DMD: variants seen among roughly 807,000 people sequenced by gnomAD.
DMD encodes dystrophin.
DMD carries 63 observed loss-of-function variants against 330.1 expected under a neutral mutation model. The observed-to-expected ratio is 0.19, with a 90% confidence interval of 0.16 to 0.24. DMD has a LOEUF of 0.24. Ranked by LOEUF, DMD falls within the 10% of genes least tolerant of loss-of-function variation. DMD has a pLI of 1.00. For synonymous variants in DMD, 1,223 were observed against 959.8 expected (o/e 1.27, Z -5.07); for missense variants, 3,344 against 2,684.1 (o/e 1.25, Z -5.43).
At chrX:31,181,804 G>C (rs2041180971) in intron 68 of DMD, among the ~76,000 whole-genome samples, 1 of 112,685 alleles carries the variant, frequency 8.9e-6, no homozygotes, top group South Asian at 3.6e-4. Flanking sequence ...CTGGAAAAGA[G>C]TGTTTACTTT....
Position 32,733,686 on chromosome X carries a change from G to T in DMD, c.650-34393C>A, listed in dbSNP as rs5972655. Among the ~76,000 whole-genome samples the T allele has an allele frequency of 1.9e-3, 214 of 111,108 alleles. 1 individual carries two copies. Among genetic ancestry groups the T allele is most frequent in the African/African-American group, 6.6e-3 (202 of 30,430 alleles). ...CTACGGGGTGCATAATGAAATGAAGGCAGAAATAAAGATGTTCTTTGAAAC... is the reference window on the plus strand; with the variant it reads ...CTACGGGGTGCATAATGAAATGAAGTCAGAAATAAAGATGTTCTTTGAAAC... On this transcript the variant is annotated intron_variant, in intron 7 of 78. Coordinates refer to ENST00000357033, the MANE Select transcript of DMD (RefSeq NM_004006.3).
chrX:31,783,857 G>A (rs1252431339), intron 50 of DMD, among the ~76,000 whole-genome samples: 1 of 111,377 alleles, frequency 9.0e-6, no homozygotes, highest in Non-Finnish European at 1.9e-5. Context: ...ATATTAAATA[G>A]TCTTAAAATG....
chrX:31,919,098 T>C (rs2094651740), intron 47 of DMD, among the ~76,000 whole-genome samples: 1 of 111,839 alleles, frequency 8.9e-6, no homozygotes, highest in African/African-American at 3.3e-5. Flanking sequence ...CACCTGAATA[T>C]TAATTTTTTT....
intron 52 of DMD, among the ~76,000 whole-genome samples, chrX:31,694,150 T>C (rs191521533): frequency 9.0e-6 from 1 of 111,098 alleles, no homozygotes; most frequent in Non-Finnish European, 1.9e-5. Flanking sequence ...GAACACACAA[T>C]AGGGAGAGGA....
intron 44 of DMD, among the ~76,000 whole-genome samples, chrX:32,051,859 C>A (rs1269186748): frequency 9.0e-6 from 1 of 111,145 alleles, no homozygotes; most frequent in Non-Finnish European, 1.9e-5. Context: ...CTCTCCACCA[C>A]AAGCAAACCC....
intron 1 of DMD, among the ~76,000 whole-genome samples, chrX:33,113,643 A>T (rs187046433): frequency 9.2e-6 from 1 of 109,174 alleles, no homozygotes; most frequent in Non-Finnish European, 1.9e-5. Context: ...GAGCCATTAT[A>T]ATGTAATTAG....
intron 1 of DMD, among the ~76,000 whole-genome samples, chrX:33,149,194 T>G (rs1395134127): frequency 1.0e-5 from 1 of 97,590 alleles, no homozygotes; most frequent in African/African-American, 4.3e-5. Context: ...CCCTGAGCTT[T>G]CTTTCCTGCA....
chrX:31,745,422 T>C (rs756580800), intron 51 of DMD, among the ~76,000 whole-genome samples: 3 of 111,646 alleles, frequency 2.7e-5, no homozygotes, highest in Non-Finnish European at 5.6e-5. Flanking sequence ...AATGCCACAA[T>C]AAAAGTGGCA....
intron 16 of DMD, among the ~76,000 whole-genome samples, chrX:32,560,182 G>A (rs1363649038): frequency 5.8e-5 from 5 of 86,860 alleles, no homozygotes; most frequent in African/African-American, 1.5e-4. Context: ...CTTTAGACTC[G>A]CTTGAAAAAA....
chrX:31,245,618 G>C (rs1290341681), intron 63 of DMD, among the ~76,000 whole-genome samples: 1 of 111,857 alleles, frequency 8.9e-6, no homozygotes, highest in African/African-American at 3.3e-5. Flanking sequence ...CTCACTTTGG[G>C]TCTGTGTCTC....
intron 48 of DMD, among the ~76,000 whole-genome samples, chrX:31,873,432 A>G (rs1372304283): frequency 8.9e-6 from 1 of 112,089 alleles, no homozygotes; most frequent in East Asian, 2.8e-4. Flanking sequence ...CCTCTTCACT[A>G]GAATATTCTC....
chrX:32,132,068 T>C (rs1428606413), intron 44 of DMD, among the ~76,000 whole-genome samples: 1 of 112,245 alleles, frequency 8.9e-6, no homozygotes, highest in Non-Finnish European at 1.9e-5. Context: ...GGCTTTTTAA[T>C]CTATATGTGT....
intron 1 of DMD, among the ~76,000 whole-genome samples, chrX:33,104,705 T>C (rs2095271552): frequency 8.9e-6 from 1 of 112,193 alleles, no homozygotes; most frequent in Non-Finnish European, 1.9e-5. Flanking sequence ...CGGACGCGTA[T>C]GAAAGAAACA....
chrX:33,095,138 C>A (rs1369545588), intron 1 of DMD, among the ~76,000 whole-genome samples: 1 of 112,247 alleles, frequency 8.9e-6, no homozygotes, highest in African/African-American at 3.2e-5. Context: ...TACATAAAAT[C>A]TTAATGTGTA....
intron 44 of DMD, among the ~76,000 whole-genome samples, chrX:32,183,613 A>G (rs1279809615): frequency 9.5e-6 from 1 of 104,892 alleles, no homozygotes; most frequent in Admixed American, 1.1e-4. Flanking sequence ...GAGAGAATCT[A>G]AAAAATACTC....
chrX:32,468,771 A>G (rs1214066970), intron 22 of DMD, 61 bp from the exon 23 acceptor site: 2 of 949,194 alleles, frequency 2.1e-6, no homozygotes, highest in Non-Finnish European at 3.0e-6. Context: ...GATGAGTTTT[A>G]GTGAAATTAA....
intron 62 of DMD, among the ~76,000 whole-genome samples, chrX:31,268,584 G>C (rs1358123896): frequency 2.7e-5 from 3 of 111,632 alleles, no homozygotes; most frequent in Non-Finnish European, 5.6e-5. Flanking sequence ...TTGTCCCTTG[G>C]TCTAATAGTA....
chrX:31,961,682 G>A, intron 45 of DMD, among the ~76,000 whole-genome samples: 1 of 107,551 alleles, frequency 9.3e-6, no homozygotes, highest in East Asian at 2.9e-4. Context: ...AGTCTTAAGG[G>A]ATGTGTAAGA....
chrX:31,793,980 A>G (rs1045188890), intron 50 of DMD, among the ~76,000 whole-genome samples: 3 of 111,773 alleles, frequency 2.7e-5, no homozygotes, highest in African/African-American at 6.5e-5. Context: ...TTTACTCTTT[A>G]GAGTTAAATG....
Sources: gnomAD v4.1 joint callset for allele counts (sites outside exome capture counted in the v4.1 genomes callset) on GRCh38, gnomAD v4.1.1 for gene constraint, MANE v1.5 for transcripts, NCBI Gene and HGNC (gene_info 2026-07-23, HGNC 2026-07-21) for gene names.